Variants in PRICKLE2 observed in about 807,000 individuals in gnomAD.
PRICKLE2 encodes the protein prickle planar cell polarity protein 2, also known as prickle-like protein 2.
PRICKLE2 carries 21 observed loss-of-function variants against 81.4 expected under a neutral mutation model. The ratio of observed to expected loss-of-function variants is 0.26; its 90% CI spans 0.18 to 0.37. PRICKLE2 has a LOEUF of 0.37. Among genes scored for constraint, PRICKLE2 ranks in the 10% least tolerant of loss-of-function variants. The pLI, the probability that PRICKLE2 is intolerant of heterozygous loss-of-function variation, is 1.00. For missense variants in PRICKLE2, 940 were observed against 1,109.0 expected (o/e 0.85, Z 2.16); for synonymous variants, 456 against 421.5 (o/e 1.08, Z -1.00).
At chr3:64,146,378 C>G (rs987164897) in intron 7 of PRICKLE2, 3 of 195,104 alleles carry the variant, frequency 1.5e-5, no homozygotes, top group Non-Finnish European at 3.2e-5. Flanking sequence ...AAGATAGAAG[C>G]CATCTCAAAC....
At chr3:64,177,100 A>G (rs1353976697) in intron 2 of PRICKLE2, among the ~76,000 whole-genome samples, 1 of 148,060 alleles carries the variant, frequency 6.8e-6, no homozygotes, top group Non-Finnish European at 1.5e-5. Flanking sequence ...TGTGGTATAC[A>G]CATTACAAGA....
intron 5 of PRICKLE2, chr3:64,153,668 C>A: frequency 2.6e-6 from 1 of 379,020 alleles, no homozygotes; most frequent in Non-Finnish European, 4.9e-6. Context: ...AAACTGACAG[C>A]TCACAGGCAC....
chr3:64,258,175 C>T, intron 2 of PRICKLE2, among the ~76,000 whole-genome samples: 1 of 146,634 alleles, frequency 6.8e-6, no homozygotes, highest in Admixed American at 6.8e-5. Flanking sequence ...GCATCTGAAG[C>T]AAGCAATTAG....
Position 64,117,488 on chromosome 3 carries a change from A to T in PRICKLE2, c.1661-17563T>A, listed in dbSNP as rs993695369. On this transcript the variant is annotated intron_variant, in intron 7 of 7. Coordinates refer to ENST00000638394, the MANE Select transcript of PRICKLE2 (RefSeq NM_198859.4). The stretch of plus-strand genomic sequence containing the variant: ...GCCCACAAGCTTCTTAAATTGATAA[A>T]CAACTTCAGCAAAGTCTCAGGATCA... 2.0e-5 allele frequency among the ~76,000 whole-genome samples: 3 copies of T among 152,176 alleles called. No homozygotes were observed. In the East Asian group the frequency reaches 5.8e-4, roughly 29 times the overall value.
intron 7 of PRICKLE2, among the ~76,000 whole-genome samples, chr3:64,137,663 T>G (rs1245288581): frequency 6.6e-6 from 1 of 152,126 alleles, no homozygotes; most frequent in Non-Finnish European, 1.5e-5. Context: ...GCCCACTGAT[T>G]CCCTGTTGTC....
At chr3:64,145,948 C>T (rs1432637437) in intron 7 of PRICKLE2, 1 of 152,110 alleles carries the variant, frequency 6.6e-6, no homozygotes, top group African/African-American at 2.4e-5. Flanking sequence ...TCTCCTAATG[C>T]CATCACCTTG....
intron 2 of PRICKLE2, among the ~76,000 whole-genome samples, chr3:64,184,621 A>G (rs1053331335): frequency 6.6e-6 from 1 of 150,518 alleles, no homozygotes; most frequent in African/African-American, 2.4e-5. Flanking sequence ...CTACAGGCCC[A>G]CACCAATGAC....
At chr3:64,146,666 C>T in intron 7 of PRICKLE2, 164 bp downstream of exon 7, 1 of 715,726 alleles carries the variant, frequency 1.4e-6, no homozygotes, top group Non-Finnish European at 2.3e-6. Context: ...TGGCGTGAAC[C>T]CGGGAGGTGG....
At chr3:64,141,692 T>A in intron 7 of PRICKLE2, 3 of 457,508 alleles carry the variant, frequency 6.6e-6, no homozygotes, top group Non-Finnish European at 8.6e-6. Context: ...TCTAAACACA[T>A]TGGGAGAGGC....
rs558233050 is a variant in PRICKLE2, at chr3:64,204,620, AG to A, written c.-40-5654del. Among the ~76,000 whole-genome samples, 1,188 of 152,008 alleles carry A rather than the reference AG, an allele frequency of 7.8e-3. 18 individuals are homozygous for A. The highest frequency in any genetic ancestry group is 0.027 in the African/African-American group (1,120 of 41,434). On this transcript the variant is annotated intron_variant, in intron 1 of 7. Transcript: ENST00000638394. ...CACACACGCAAAAGCAAAACCAAGG[AG>A]GGGGGAAGAAAAGGAAAAAAAAAAC...
At chr3:64,146,795 C>G (rs756624801) in intron 7 of PRICKLE2, 35 bp downstream of exon 7, 9 of 1,612,980 alleles carry the variant, frequency 5.6e-6, no homozygotes, top group African/African-American at 2.7e-5. Context: ...GAGACTACCC[C>G]CTTTCTATCT....
intron 7 of PRICKLE2, among the ~76,000 whole-genome samples, chr3:64,116,240 A>C (rs1347690663): frequency 6.6e-6 from 1 of 152,190 alleles, no homozygotes; most frequent in East Asian, 1.9e-4. Context: ...TCACATCAAA[A>C]AGTTAGAAAG....
At chr3:64,150,325 G>C (rs1559541497) in intron 6 of PRICKLE2, among the ~76,000 whole-genome samples, 3 of 151,962 alleles carry the variant, frequency 2.0e-5, no homozygotes, top group Non-Finnish European at 2.9e-5. Flanking sequence ...ATTTCTCTTT[G>C]TTTTGGTCTC....
rs1575589532 is a variant in PRICKLE2 at position 64,147,206 on chromosome 3, G to A, written c.1284C>T (p.Tyr428=). ...CCCCAGCCCCTTGCCCTCCTGGACT[G>A]TAGGAAGTTCTGATGTTGCACTGGC... is the stretch of plus-strand genomic sequence containing the variant. ...LLSQCNIRTS[Y]SPGGQGAGAQ... Residue 428 remains tyrosine, a synonymous_variant, in exon 7 of 8, where the codon TAC becomes TAT. Transcript: ENST00000638394. The surrounding 1 kb of genome is among the most constrained non-coding windows in gnomAD (Gnocchi z 5.0). 1.9e-6 allele frequency: 3 copies of A among 1,611,774 alleles called. No homozygotes were observed. The highest frequency in any genetic ancestry group is 2.2e-5 in the East Asian group (1 of 44,850).
chr3:64,241,290 G>A (rs919306920), intron 2 of PRICKLE2, among the ~76,000 whole-genome samples: 6 of 152,214 alleles, frequency 3.9e-5, no homozygotes, highest in Non-Finnish European at 7.3e-5. Context: ...AGCTGGAGCT[G>A]ACTGATACAG....
chr3:64,145,670 C>G (rs1325974152), intron 7 of PRICKLE2: 1 of 151,860 alleles, frequency 6.6e-6, no homozygotes, highest in Non-Finnish European at 1.5e-5. Context: ...ATGTCTTTAT[C>G]TGCACTTTGA....
Position 64,163,143 on chromosome 3 carries a change from A to G in PRICKLE2, c.145-14T>C. On this transcript the variant is annotated splice_polypyrimidine_tract_variant and intron_variant, in intron 2 of 7. Coordinates refer to ENST00000638394, the MANE Select transcript of PRICKLE2 (RefSeq NM_198859.4). Reference sequence around the variant, plus strand: ...GTACTGGTGTACCTGAAGGACAGAAAGCATATAGATGACTTGCCCATTACT... The same window carrying G: ...GTACTGGTGTACCTGAAGGACAGAAGGCATATAGATGACTTGCCCATTACT... 1 of 1,481,202 alleles carries G rather than the reference A, an allele frequency of 6.8e-7. No individual in the cohort carries two copies. The highest frequency in any genetic ancestry group is 9.4e-7 in the Non-Finnish European group (1 of 1,058,668). The allele number at this position is 1,481,202 out of a possible 1,614,324, so 91.8% of individuals were successfully genotyped here.
chr3:64,178,552 G>T (rs1454081787), intron 2 of PRICKLE2, among the ~76,000 whole-genome samples: 1 of 152,184 alleles, frequency 6.6e-6, no homozygotes, highest in Non-Finnish European at 1.5e-5. Context: ...CCCCCTTTGT[G>T]CCTGGAAGAA....
chr3:64,256,241 A>AT (rs1216586277), intron 2 of PRICKLE2, among the ~76,000 whole-genome samples: 1 of 152,324 alleles, frequency 6.6e-6, no homozygotes, highest in South Asian at 2.1e-4. Flanking sequence ...GCTAAGAGTG[A>AT]TTTTTATAGA....
Sources: allele counts gnomAD v4.1 joint callset (sites outside exome capture counted in the v4.1 genomes callset), GRCh38; gene constraint gnomAD v4.1.1; non-coding constraint Gnocchi (gnomAD v3.1); transcripts MANE v1.5; gene names NCBI Gene and HGNC (gene_info 2026-07-23, HGNC 2026-07-21).